MPV17: variants seen among roughly 807,000 people sequenced by gnomAD.
MPV17 encodes the protein MPV17, mitochondrial inner membrane protein.
Under a neutral mutation model 28.6 loss-of-function variants are expected in MPV17, and 31 were observed. That is an observed-to-expected ratio of 1.08 (90% CI 0.81 to 1.46). MPV17 has a LOEUF of 1.46. MPV17 is among the 40% of genes most tolerant of loss of function. The pLI is 0.00. For synonymous variants in MPV17, 87 were observed against 85.3 expected, an observed-to-expected ratio of 1.02 and a Z score of -0.11; for missense variants, 198 against 216.2, an observed-to-expected ratio of 0.92 and a Z score of 0.53.
intron 2 of MPV17, chr2:27,315,845 A>G: frequency 7.8e-7 from 1 of 1,285,970 alleles, no homozygotes; most frequent in Non-Finnish European, 9.9e-7. Flanking sequence ...TATAGGTGTG[A>G]GCCACGGCAC....
At position 27,317,063 on chromosome 2, in the gene MPV17, T is replaced by C; in HGVS notation, c.71-3954A>G. 6.5e-7 allele frequency: 1 copy of C among 1,542,312 alleles called. No homozygotes were observed. ...GGTAAATTCCCTACTTCTCCTATTT[T>C]GTTCCTCTACTTACTTTTGTGGCTT... On this transcript the variant is annotated intron_variant, in intron 2 of 7. Transcript: ENST00000380044. The surrounding 1 kb of genome is among the most constrained non-coding windows in gnomAD (Gnocchi z 4.0).
intron 4 of MPV17, 41 bp downstream of exon 4, chr2:27,312,639 C>G (rs1295013891): frequency 2.5e-6 from 4 of 1,612,740 alleles, no homozygotes; most frequent in African/African-American, 2.7e-5. Context: ...CCCACCTACC[C>G]CCAACACAGC....
chr2:27,313,492 A>G (rs1043970738), intron 2 of MPV17: 9 of 467,974 alleles, frequency 1.9e-5, no homozygotes, highest in African/African-American at 1.8e-4. Flanking sequence ...TTTTAGAGGT[A>G]TGGAAATGAA....
chr2:27,317,672 C>T lies in MPV17; in HGVS notation c.71-4563G>A, dbSNP rs1254110854. On this transcript the variant is annotated intron_variant, in intron 2 of 7. Transcript: ENST00000380044. This position sits in a 1 kb window ranked among gnomAD's most constrained non-coding sequence, Gnocchi z 4.0. ...GGCTTAATTCAGACTCCAGGGAAAC[C>T]AGTATTTGTAAGAGCTCAGCTGCTC... is the stretch of plus-strand genomic sequence containing the variant. Among the ~76,000 whole-genome samples, 1 of 152,152 alleles carries T rather than the reference C, an allele frequency of 6.6e-6. No homozygotes were observed. The highest frequency in any genetic ancestry group is 2.4e-5 in the African/African-American group (1 of 41,422).
rs1679349289 is a variant in MPV17 at position 27,309,609 on chromosome 2, A to G, written c.*303T>C. On this transcript the variant is annotated 3_prime_UTR_variant, in exon 8 of 8. Transcript: ENST00000380044. ...CAGGGTTAGAGTAACAAATGTGTCT[A>G]TGAAGAGTGGGGATGAGTGGCATTT... is the stretch of plus-strand genomic sequence containing the variant. 1 of 584,876 alleles carries G rather than the reference A, an allele frequency of 1.7e-6. No homozygotes were observed. The highest frequency in any genetic ancestry group is 3.1e-6 in the Non-Finnish European group (1 of 327,204). 36.2% of individuals were successfully genotyped at this position (584,876 alleles called of 1,614,324 possible).
chr2:27,321,494 C>T (rs1280422812), intron 2 of MPV17, among the ~76,000 whole-genome samples: 1 of 152,230 alleles, frequency 6.6e-6, no homozygotes, highest in Non-Finnish European at 1.5e-5. Flanking sequence ...TAGTCCTCTT[C>T]TCAGAAGGCC....
intron 6 of MPV17, 35 bp from the exon 7 acceptor site, chr2:27,311,986 C>T: frequency 6.2e-7 from 1 of 1,609,312 alleles, no homozygotes; most frequent in Non-Finnish European, 8.5e-7. Context: ...GATGGCTGCC[C>T]CACCACCTGA....
chr2:27,313,278 C>G (rs1338517052), intron 2 of MPV17, 169 bp from the exon 3 acceptor site: 9 of 1,436,206 alleles, frequency 6.3e-6, no homozygotes, highest in Non-Finnish European at 9.5e-7. Context: ...GCCCTCACCT[C>G]CCCAATGATG....
At chr2:27,320,396 G>A (rs1361026578) in intron 2 of MPV17, among the ~76,000 whole-genome samples, 4 of 151,280 alleles carry the variant, frequency 2.6e-5, no homozygotes, top group Non-Finnish European at 5.9e-5. Flanking sequence ...GAGTGCAATG[G>A]CACAATCTTG....
intron 2 of MPV17, chr2:27,316,266 G>C: frequency 1.3e-6 from 2 of 1,503,946 alleles, no homozygotes; most frequent in Non-Finnish European, 1.8e-6. Flanking sequence ...AGGCAGAGCT[G>C]GAATGAAAAG....
intron 2 of MPV17, among the ~76,000 whole-genome samples, chr2:27,316,589 G>A (rs1459872996): frequency 2.0e-5 from 3 of 152,210 alleles, no homozygotes; most frequent in Admixed American, 2.0e-4. Flanking sequence ...GGGCAGGAAG[G>A]ACCCAGACAT....
At position 27,322,574 on chromosome 2, in the gene MPV17, A is replaced by G. The variant is rs541969701; in HGVS notation, c.-5-52T>C. 6.1e-4 allele frequency: 911 copies of G among 1,482,760 alleles called. 15 individuals are homozygous for G. The South Asian group carries it at 8.9e-3, about 14-fold the overall frequency. The allele number at this position is 1,482,760 out of a possible 1,614,324, so 91.9% of individuals were successfully genotyped here. ...ACCCCCACCGTCCCTCTCCACGACT[A>G]AGAAGCCGCCTGACATTCCCTTGTG... On this transcript the variant is annotated intron_variant, in intron 1 of 7. Coordinates refer to ENST00000380044, the MANE Select transcript of MPV17 (RefSeq NM_002437.5).
intron 2 of MPV17, chr2:27,316,033 C>A (rs1160846531): frequency 6.5e-7 from 1 of 1,547,866 alleles, no homozygotes; most frequent in East Asian, 2.4e-5. Flanking sequence ...TGTGGCTGCT[C>A]CCCTGCTGGG....
chr2:27,321,325 G>A (rs1049232642), intron 2 of MPV17, among the ~76,000 whole-genome samples: 1 of 152,238 alleles, frequency 6.6e-6, no homozygotes, highest in Non-Finnish European at 1.5e-5. Flanking sequence ...CAGGACAAGA[G>A]GTGGTTGGGC....
At chr2:27,312,614 A>G (rs369972582) in intron 4 of MPV17, 25 bp from the exon 5 acceptor site, 15 of 1,613,576 alleles carry the variant, frequency 9.3e-6, no homozygotes, top group Non-Finnish European at 1.0e-5. Context: ...TTAAAGTCCT[A>G]TGAGTGCTGA....
chr2:27,313,296 CTCATGTGTAT>C (rs1307075024), intron 2 of MPV17, 187 bp from the exon 3 acceptor site: 57 of 1,339,486 alleles, frequency 4.3e-5, no homozygotes, highest in Non-Finnish European at 5.8e-5. Flanking sequence ...ATGGTGACAC[CTCATGTGTAT>C]TCTGTCAGAA....
intron 2 of MPV17, among the ~76,000 whole-genome samples, chr2:27,318,953 C>T (rs1410781303): frequency 2.6e-5 from 4 of 151,670 alleles, no homozygotes; most frequent in Non-Finnish European, 4.4e-5. Flanking sequence ...CTAGTGGAGA[C>T]GGGGTTTCAC....
Position 27,312,031 on chromosome 2 carries a change from A to C in MPV17, c.409-80T>G, listed in dbSNP as rs1679463734. ...CACTGTCTTGCCTGGCCCTACCCCA[A>C]CTTCTGCACACAAGAAAAAGGTGAA... On this transcript the variant is annotated intron_variant, in intron 6 of 7. Coordinates refer to ENST00000380044, the MANE Select transcript of MPV17 (RefSeq NM_002437.5). The C allele has an allele frequency of 3.9e-6, 6 of 1,539,494 alleles. No individual in the cohort carries two copies. The South Asian group carries it at 4.5e-5, about 12-fold the overall frequency.
chr2:27,322,067 C>G (rs1679879832), intron 2 of MPV17: 3 of 294,300 alleles, frequency 1.0e-5, no homozygotes, highest in Admixed American at 4.7e-5. Flanking sequence ...AATGTGGACT[C>G]AAGTAACCCT....
Sources: gnomAD v4.1 joint callset for allele counts (sites outside exome capture counted in the v4.1 genomes callset) on GRCh38, gnomAD v4.1.1 for gene constraint, Gnocchi (gnomAD v3.1) non-coding constraint, MANE v1.5 for transcripts, NCBI Gene and HGNC (gene_info 2026-07-23, HGNC 2026-07-21) for gene names.